The following PITPNB variants were observed in gnomAD, a reference collection of about 807,000 sequenced individuals.
PITPNB encodes the protein phosphatidylinositol transfer protein beta isoform.
A neutral mutation model predicts 45.9 loss-of-function variants in PITPNB; 16 were observed. That is an observed-to-expected ratio of 0.35 (90% CI 0.24 to 0.53). The LOEUF (loss-of-function observed/expected upper bound fraction) is 0.53, where lower values mean the gene tolerates loss of function less well. Ranked by LOEUF, PITPNB falls within the 20% of genes least tolerant of loss-of-function variation. The pLI is 0.93. For missense variants in PITPNB, 188 were observed against 330.5 expected, an observed-to-expected ratio of 0.57 and a Z score of 3.34; for synonymous variants, 112 against 108.9, an observed-to-expected ratio of 1.03 and a Z score of -0.18.
intron 5 of PITPNB, 133 bp downstream of exon 5, chr22:27,896,997 C>T (rs770508149): frequency 2.8e-5 from 21 of 738,138 alleles, no homozygotes; most frequent in East Asian, 9.8e-5. Context: ...TAGAGTGTGG[C>T]GGCTGGTTGG....
chr22:27,892,837 G>A (rs1212189194), intron 7 of PITPNB, among the ~76,000 whole-genome samples: 2 of 152,144 alleles, frequency 1.3e-5, no homozygotes, highest in East Asian at 1.9e-4. Context: ...TCCCTTATCA[G>A]TGCTCACACT....
intron 8 of PITPNB, among the ~76,000 whole-genome samples, chr22:27,867,119 T>C (rs1346055577): frequency 6.6e-6 from 1 of 152,214 alleles, no homozygotes; most frequent in Non-Finnish European, 1.5e-5. Context: ...TTAAGGTAGT[T>C]AACTTGAATC....
At chr22:27,894,815 C>T (rs1935388372) in intron 6 of PITPNB, among the ~76,000 whole-genome samples, 177 bp from the exon 7 acceptor site, 2 of 152,132 alleles carry the variant, frequency 1.3e-5, no homozygotes, top group South Asian at 2.1e-4. Flanking sequence ...TCTTTTATTA[C>T]CACTTATAAC....
At chr22:27,909,205 T>C (rs900619427) in intron 3 of PITPNB, among the ~76,000 whole-genome samples, 2 of 135,384 alleles carry the variant, frequency 1.5e-5, no homozygotes, top group African/African-American at 5.6e-5. Flanking sequence ...ATACTGGTAG[T>C]ACTTTTTTTT....
intron 8 of PITPNB, among the ~76,000 whole-genome samples, chr22:27,870,874 T>G (rs975575462): frequency 9.9e-5 from 15 of 152,260 alleles, no homozygotes; most frequent in African/African-American, 3.6e-4. Flanking sequence ...CAGTTATTCT[T>G]GACTGCACTA....
chr22:27,873,611 C>G, intron 8 of PITPNB, 127 bp downstream of exon 8: 1 of 640,794 alleles, frequency 1.6e-6, no homozygotes, highest in South Asian at 1.8e-5. Context: ...AAGTCCTTAT[C>G]GCAAATAAAA....
At chr22:27,888,378 C>T (rs1935183766) in intron 7 of PITPNB, among the ~76,000 whole-genome samples, 1 of 152,188 alleles carries the variant, frequency 6.6e-6, no homozygotes, top group Non-Finnish European at 1.5e-5. Flanking sequence ...AGGCTATGTA[C>T]ACTTGTAATT....
At chr22:27,870,527 G>A (rs17479727) in intron 8 of PITPNB, among the ~76,000 whole-genome samples, 5,425 of 152,298 alleles carry the variant, frequency 0.036, 152 homozygotes, top group Non-Finnish European at 0.055. Context: ...GGAACTACCA[G>A]GCAGCTCTTC....
chr22:27,867,741 G>T (rs1344695617), intron 8 of PITPNB, among the ~76,000 whole-genome samples: 1 of 152,172 alleles, frequency 6.6e-6, no homozygotes, highest in Non-Finnish European at 1.5e-5. Flanking sequence ...AGCTCACACT[G>T]CCAAATTACT....
chr22:27,909,950 CTTTT>C (rs544649700), intron 3 of PITPNB, among the ~76,000 whole-genome samples: 2 of 130,310 alleles, frequency 1.5e-5, no homozygotes, highest in African/African-American at 2.8e-5. Context: ...CCACTAATTT[CTTTT>C]TTTTTTTTTT....
intron 3 of PITPNB, among the ~76,000 whole-genome samples, chr22:27,909,074 A>G (rs1403303858): frequency 2.0e-5 from 3 of 152,132 alleles, no homozygotes; most frequent in Admixed American, 1.3e-4. Context: ...ACAAAACATG[A>G]GTATGATTCA....
At chr22:27,873,931 T>G (rs1601391654) in intron 7 of PITPNB, 116 bp from the exon 8 acceptor site, 5 of 672,574 alleles carry the variant, frequency 7.4e-6, no homozygotes, top group South Asian at 5.0e-5. Context: ...TTAGACTCAC[T>G]GTGCTTTTGC....
At chr22:27,903,594 C>A (rs535168892) in intron 3 of PITPNB, among the ~76,000 whole-genome samples, 1 of 150,490 alleles carries the variant, frequency 6.6e-6, no homozygotes, top group South Asian at 2.1e-4. Context: ...CTGGGCAATA[C>A]AGGGAGACCC....
intron 3 of PITPNB, among the ~76,000 whole-genome samples, chr22:27,899,485 G>A (rs1325671889): frequency 2.6e-5 from 4 of 152,158 alleles, no homozygotes; most frequent in Middle Eastern, 3.4e-3. Flanking sequence ...ACTAGGCCCG[G>A]CTAATTTTTT....
At chr22:27,873,317 T>C (rs1168097535) in intron 8 of PITPNB, among the ~76,000 whole-genome samples, 2 of 152,190 alleles carry the variant, frequency 1.3e-5, no homozygotes, top group Non-Finnish European at 2.9e-5. Context: ...TGCTCACTCG[T>C]GTCCTGCTTT....
Position 27,852,164 on chromosome 22 carries a change from A to C in PITPNB, c.*1538T>G, listed in dbSNP as rs1041975523. ...AATCACTCCAGTGGGGGAGGGATGC[A>C]GGACATGTGGGAAAACGAGGAGCAG... On this transcript the variant is annotated 3_prime_UTR_variant, in exon 12 of 12. Transcript: ENST00000335272. 2 of 152,244 alleles carry C rather than the reference A, an allele frequency of 1.3e-5. No homozygotes were observed. The highest frequency in any genetic ancestry group is 1.5e-5 in the Non-Finnish European group (1 of 68,062). 9.4% of individuals were successfully genotyped at this position (152,244 alleles called of 1,614,324 possible).
chr22:27,908,514 C>T (rs1020192454), intron 3 of PITPNB, among the ~76,000 whole-genome samples: 5 of 151,824 alleles, frequency 3.3e-5, no homozygotes, highest in African/African-American at 1.2e-4. Context: ...GGATAGTGAT[C>T]TAAACAGAAC....
At position 27,852,174 on chromosome 22, in the gene PITPNB, G is replaced by C. The variant is rs1934038178; in HGVS notation, c.*1528C>G. ...GTGGGGGAGGGATGCAGGACATGTGGGAAAACGAGGAGCAGGCAGGGCAGG... is the reference window on the plus strand; with the variant it reads ...GTGGGGGAGGGATGCAGGACATGTGCGAAAACGAGGAGCAGGCAGGGCAGG... On this transcript the variant is annotated 3_prime_UTR_variant, in exon 12 of 12. Transcript: ENST00000335272. 6.6e-6 allele frequency: 1 copy of C among 152,188 alleles called. No homozygotes were observed. Among genetic ancestry groups the C allele is most frequent in the African/African-American group, 2.4e-5 (1 of 41,432 alleles). 9.4% of individuals were successfully genotyped at this position (152,188 alleles called of 1,614,324 possible). A position where few individuals can be genotyped will look rare whatever the true frequency, so the allele number is the denominator to read the frequency against.
chr22:27,899,638 A>G (rs1488274010), intron 3 of PITPNB, among the ~76,000 whole-genome samples: 1 of 152,114 alleles, frequency 6.6e-6, no homozygotes, highest in Non-Finnish European at 1.5e-5. Context: ...ACTTCTTTTC[A>G]AATGGTGGAA....
Sources: gnomAD v4.1 joint callset for allele counts (sites outside exome capture counted in the v4.1 genomes callset) on GRCh38, gnomAD v4.1.1 for gene constraint, MANE v1.5 for transcripts, NCBI Gene and HGNC (gene_info 2026-07-23, HGNC 2026-07-21) for gene names.